Variants in FARS2 observed in about 807,000 individuals in gnomAD.
The protein encoded by FARS2 is phenylalanyl-tRNA synthetase 2, mitochondrial.
In FARS2, 40 loss-of-function variants were observed where a neutral mutation model predicts 46.4. The observed-to-expected ratio is 0.86, with a 90% CI of 0.67 to 1.12. FARS2 has a LOEUF of 1.12. FARS2 is among the 50% of genes most tolerant of loss of function. The probability of loss-of-function intolerance (pLI) is 0.00; values close to 1 mark genes in which losing one functional copy is unlikely to be tolerated. For missense variants in FARS2, 513 were observed against 567.9 expected, an observed-to-expected ratio of 0.90 and a Z score of 0.98; for synonymous variants, 234 against 214.9, an observed-to-expected ratio of 1.09 and a Z score of -0.78.
chr6:5,652,980 A>G (rs895157182), intron 6 of FARS2, among the ~76,000 whole-genome samples: 3 of 152,222 alleles, frequency 2.0e-5, no homozygotes, highest in Non-Finnish European at 4.4e-5. Context: ...GCTTGTGTGT[A>G]TGCAGGAGAG....
At chr6:5,380,490 A>G (rs1168248513) in intron 2 of FARS2, among the ~76,000 whole-genome samples, 2 of 152,176 alleles carry the variant, frequency 1.3e-5, no homozygotes, top group East Asian at 3.9e-4. Context: ...CCTGGTGTGT[A>G]TCATCGAATG....
intron 6 of FARS2, among the ~76,000 whole-genome samples, chr6:5,646,220 G>A (rs993798192): frequency 6.6e-6 from 1 of 152,206 alleles, no homozygotes; most frequent in South Asian, 2.1e-4. Flanking sequence ...TAATGACATT[G>A]TTACTCCCAT....
intron 6 of FARS2, among the ~76,000 whole-genome samples, chr6:5,703,957 G>A (rs1758590031): frequency 6.6e-6 from 1 of 151,994 alleles, no homozygotes; most frequent in South Asian, 2.1e-4. Flanking sequence ...CCCTCTCTGA[G>A]CTCCTTCCTC....
intron 5 of FARS2, among the ~76,000 whole-genome samples, chr6:5,556,838 T>C (rs1561710759): frequency 6.6e-6 from 1 of 152,248 alleles, no homozygotes; most frequent in East Asian, 1.9e-4. Flanking sequence ...ATATAAGAAC[T>C]TTCTATTTAT....
intron 1 of FARS2, among the ~76,000 whole-genome samples, chr6:5,295,984 T>C (rs1214943760): frequency 6.6e-6 from 1 of 152,104 alleles, no homozygotes; most frequent in Non-Finnish European, 1.5e-5. Context: ...ATGGAGGGCT[T>C]ACTGTGTGCC....
chr6:5,542,144 A>G (rs1770677260), intron 4 of FARS2, among the ~76,000 whole-genome samples: 1 of 151,956 alleles, frequency 6.6e-6, no homozygotes, highest in African/African-American at 2.4e-5. Context: ...TGTGACCTGT[A>G]TCTTGTGATA....
At chr6:5,444,267 G>A (rs1029173139) in intron 4 of FARS2, among the ~76,000 whole-genome samples, 8 of 151,936 alleles carry the variant, frequency 5.3e-5, no homozygotes, top group East Asian at 3.9e-4. Context: ...AGGAGTTCGC[G>A]ACCAGCCTGA....
intron 6 of FARS2, among the ~76,000 whole-genome samples, chr6:5,761,961 G>T (rs963438861): frequency 5.9e-5 from 9 of 152,194 alleles, no homozygotes. Context: ...ACACCAGTGA[G>T]CTGTTGTCTG....
At chr6:5,671,193 G>A (rs1464662276) in intron 6 of FARS2, among the ~76,000 whole-genome samples, 1 of 152,138 alleles carries the variant, frequency 6.6e-6, no homozygotes, top group Non-Finnish European at 1.5e-5. Context: ...ACTAATTTAG[G>A]GCCTGTTGCT....
intron 6 of FARS2, among the ~76,000 whole-genome samples, chr6:5,717,923 T>TAGAGAGAGAGAGAGAGAGAG (rs1240643852): frequency 9.6e-5 from 3 of 31,244 alleles, no homozygotes; most frequent in South Asian, 6.1e-4. Flanking sequence ...TATATATATA[T>TAGAGAGAGAGAGAGAGAGAG]ATATATATAT....
intron 6 of FARS2, among the ~76,000 whole-genome samples, chr6:5,689,926 T>C (rs1393117009): frequency 1.3e-5 from 2 of 152,208 alleles, no homozygotes; most frequent in African/African-American, 4.8e-5. Context: ...GCTCTTCTTG[T>C]TGAATTGATC....
intron 3 of FARS2, among the ~76,000 whole-genome samples, chr6:5,411,081 A>G (rs941865760): frequency 1.3e-5 from 2 of 152,150 alleles, no homozygotes; most frequent in African/African-American, 2.4e-5. Context: ...TGTGAGGCCT[A>G]TAAAAGCCAT....
At chr6:5,487,798 G>GT (rs1766868306) in intron 4 of FARS2, among the ~76,000 whole-genome samples, 2 of 152,118 alleles carry the variant, frequency 1.3e-5, no homozygotes, top group Admixed American at 6.6e-5. Context: ...ACATACCGTG[G>GT]TTTTTTTAGA....
At chr6:5,562,519 TTTCG>T (rs975694694) in intron 5 of FARS2, among the ~76,000 whole-genome samples, 1 of 152,180 alleles carries the variant, frequency 6.6e-6, no homozygotes, top group African/African-American at 2.4e-5. Flanking sequence ...ACATTCAGGT[TTTCG>T]GATGAGTGTT....
intron 1 of FARS2, among the ~76,000 whole-genome samples, chr6:5,353,523 T>C (rs1023080552): frequency 6.6e-6 from 1 of 152,124 alleles, no homozygotes; most frequent in Admixed American, 6.5e-5. Context: ...CCACCAACAG[T>C]GTATAAGGAT....
chr6:5,420,952 C>T (rs1327943983), intron 3 of FARS2, among the ~76,000 whole-genome samples: 3 of 77,752 alleles, frequency 3.9e-5, no homozygotes, highest in Non-Finnish European at 5.9e-5. Flanking sequence ...TGGAGGACGG[C>T]GTCCTTCTCA....
chr6:5,399,413 T>G (rs1054038293), intron 2 of FARS2, among the ~76,000 whole-genome samples: 10 of 152,048 alleles, frequency 6.6e-5, no homozygotes, highest in African/African-American at 2.4e-4. Flanking sequence ...TGACCTCAAG[T>G]GATCCTCCTG....
chr6:5,724,023 C>T (rs552244495), intron 6 of FARS2, among the ~76,000 whole-genome samples: 70 of 152,096 alleles, frequency 4.6e-4, no homozygotes, highest in Non-Finnish European at 8.4e-4. Context: ...GTGGGCTCGG[C>T]GGGAAAGGAA....
At chr6:5,707,454 A>T (rs1476631215) in intron 6 of FARS2, among the ~76,000 whole-genome samples, 1 of 152,162 alleles carries the variant, frequency 6.6e-6, no homozygotes, top group Non-Finnish European at 1.5e-5. Flanking sequence ...TGGATCAGAG[A>T]TATTGTAGAT....
Sources: allele counts gnomAD v4.1 joint callset (sites outside exome capture counted in the v4.1 genomes callset), GRCh38; gene constraint gnomAD v4.1.1; transcripts MANE v1.5; gene names NCBI Gene and HGNC (gene_info 2026-07-23, HGNC 2026-07-21).